L3MBTL2: variants seen among roughly 807,000 people sequenced by gnomAD.
The protein encoded by L3MBTL2 is L3MBTL histone methyl-lysine binding protein 2.
A neutral mutation model predicts 86.4 loss-of-function variants in L3MBTL2; 49 were observed. That is an observed-to-expected ratio of 0.57 (90% CI 0.45 to 0.72). The LOEUF is 0.72. Ranked by LOEUF, L3MBTL2 falls within the 30% of genes least tolerant of loss-of-function variation. The pLI, the probability that L3MBTL2 is intolerant of heterozygous loss-of-function variation, is 0.00. For synonymous variants in L3MBTL2, 336 were observed against 350.6 expected (o/e 0.96, Z 0.47); for missense variants, 755 against 923.7 (o/e 0.82, Z 2.37).
rs756455826 is a variant in L3MBTL2, at chr22:41,230,260, G to C, written c.*9G>C. 1 of 1,606,914 alleles carries C rather than the reference G, an allele frequency of 6.2e-7. No individual in the cohort carries two copies. The highest frequency in any genetic ancestry group is 1.1e-5 in the South Asian group (1 of 90,922). The stretch of plus-strand genomic sequence containing the variant: ...AGGAAACAGACGACTGAGCCTTCCT[G>C]CCTCCAGCCTGGCTTCTAGCTGGAA... On this transcript the variant is annotated 3_prime_UTR_variant, in exon 17 of 17. Coordinates refer to ENST00000216237, the MANE Select transcript of L3MBTL2 (RefSeq NM_031488.5).
rs368435679 is a variant in L3MBTL2, at chr22:41,219,370, T to C, written c.601-49T>C. On this transcript the variant is annotated intron_variant, in intron 5 of 16. Coordinates refer to ENST00000216237, the MANE Select transcript of L3MBTL2 (RefSeq NM_031488.5). ...AGGCCGTGAGGCAGTCTGTCTCCCC[T>C]GCTAGCACAGTTAGCTCACTCTCTC... 4.2e-6 allele frequency: 6 copies of C among 1,415,248 alleles called. No homozygotes were observed. In the African/African-American group the frequency reaches 8.5e-5, roughly 20 times the overall value. 87.7% of individuals were successfully genotyped at this position (1,415,248 alleles called of 1,614,324 possible). A position where few individuals can be genotyped will look rare whatever the true frequency, so the allele number is the denominator to read the frequency against.
At chr22:41,206,010 G>C (rs2030182807) in intron 1 of L3MBTL2, 1 of 152,424 alleles carries the variant, frequency 6.6e-6, no homozygotes, top group Non-Finnish European at 1.5e-5. Context: ...CTTTCAGACG[G>C]AGTCTTGCTC....
intron 3 of L3MBTL2, among the ~76,000 whole-genome samples, chr22:41,215,369 A>T (rs528356017): frequency 1.2e-4 from 18 of 152,338 alleles, no homozygotes; most frequent in African/African-American, 3.4e-4. Flanking sequence ...TTTGATTTTT[A>T]AAAAAATTCC....
At position 41,220,906 on chromosome 22, in the gene L3MBTL2, G is replaced by A. The variant is rs762333843; in HGVS notation, c.853+38G>A. The A allele has an allele frequency of 1.9e-6, 3 of 1,596,032 alleles. No individual in the cohort carries two copies. In the Admixed American group the frequency reaches 5.0e-5, roughly 27 times the overall value. On this transcript the variant is annotated intron_variant, in intron 7 of 16. Transcript: ENST00000216237. ...GAACATTTCCTCTCTTGTTCCCGTA[G>A]GGCCCCTGGTAGAGGGAGAGTCCTC...
rs775661218 is a variant in L3MBTL2 at position 41,214,041 on chromosome 22, C to G, written c.396+15C>G. On this transcript the variant is annotated intron_variant, in intron 3 of 16. Transcript: ENST00000216237. Reference sequence around the variant, plus strand: ...CTAGGTTACAGGTGAGAGGCAATCACTTGGATCCTTCCCGGTGCCTTTGGT... The same window carrying G: ...CTAGGTTACAGGTGAGAGGCAATCAGTTGGATCCTTCCCGGTGCCTTTGGT... The G allele has an allele frequency of 6.2e-7, 1 of 1,613,836 alleles. No individual in the cohort carries two copies. Among genetic ancestry groups the G allele is most frequent in the Non-Finnish European group, 8.5e-7 (1 of 1,179,814 alleles).
In L3MBTL2 at chr22:41,219,501, G is replaced by A. The variant is rs765234040; in HGVS notation, c.683G>A (p.Arg228Gln). The A allele has an allele frequency of 2.5e-6, 4 of 1,613,664 alleles. No homozygotes were observed. Among genetic ancestry groups the A allele is most frequent in the East Asian group, 2.2e-5 (1 of 44,890 alleles). Residue 228 changes from arginine (R) to glutamine (Q), a missense_variant, in exon 6 of 17, where the codon CGG (arginine) becomes CAG (glutamine). Arg to Gln is a conservative substitution (Grantham distance 43). Transcript: ENST00000216237. ...VLNSDAVLPSRVYWIASVIQT... is the reference protein window; with the variant it reads ...VLNSDAVLPSQVYWIASVIQT... ...AACAGTGATGCTGTGCTCCCCAGCC[G>A]GGTGTACTGGATCGCCTCTGTCATC...
Position 41,227,085 on chromosome 22 carries a change from C to G in L3MBTL2, c.1588-4C>G. The G allele has an allele frequency of 5.6e-6, 9 of 1,607,742 alleles. No homozygotes were observed. The highest frequency in any genetic ancestry group is 7.6e-6 in the Non-Finnish European group (9 of 1,177,504). On this transcript the variant is annotated splice_polypyrimidine_tract_variant and splice_region_variant and intron_variant, in intron 13 of 16. Transcript: ENST00000216237. This position sits in a 1 kb window ranked among gnomAD's most constrained non-coding sequence, Gnocchi z 6.0. ...TTGGCCACTGCCTCCTTTTTCTGCC[C>G]CAGGATTGCCCAAACCATGGCTTCA...
At chr22:41,210,422 C>T (rs908589836) in intron 2 of L3MBTL2, among the ~76,000 whole-genome samples, 6 of 152,070 alleles carry the variant, frequency 3.9e-5, no homozygotes, top group South Asian at 2.1e-4. Context: ...CTCTGCCTCC[C>T]GGGTTCACAC....
rs2032555007 is a variant in L3MBTL2, at chr22:41,230,939, A to C, written c.*688A>C. The stretch of plus-strand genomic sequence containing the variant: ...AGGACTGACTCCCATTTCCTAAAGG[A>C]AATGCCCCCGGGGAGGACATTGGGA... On this transcript the variant is annotated 3_prime_UTR_variant, in exon 17 of 17. Coordinates refer to ENST00000216237, the MANE Select transcript of L3MBTL2 (RefSeq NM_031488.5). 1 of 152,130 alleles carries C rather than the reference A, an allele frequency of 6.6e-6. No homozygotes were observed. Among genetic ancestry groups the C allele is most frequent in the African/African-American group, 2.4e-5 (1 of 41,416 alleles). The allele number at this position is 152,130 out of a possible 1,614,324, so 9.4% of individuals were successfully genotyped here.
chr22:41,226,005 G>T, intron 12 of L3MBTL2, 64 bp downstream of exon 12: 1 of 1,545,460 alleles, frequency 6.5e-7, no homozygotes, highest in Non-Finnish European at 8.8e-7. Flanking sequence ...GTCCAGGCGC[G>T]GTGGCTCCCG....
At chr22:41,215,604 C>A (rs953405186) in intron 3 of L3MBTL2, among the ~76,000 whole-genome samples, 10 of 150,196 alleles carry the variant, frequency 6.7e-5, no homozygotes, top group African/African-American at 2.5e-4. Context: ...CTTTGAGTAC[C>A]TAATGAAAGC....
At chr22:41,226,867 TC>T (rs2145613971) in intron 13 of L3MBTL2, 123 bp downstream of exon 13, 1 of 808,764 alleles carries the variant, frequency 1.2e-6, no homozygotes, top group East Asian at 2.6e-5. Flanking sequence ...TCAGCCACTT[TC>T]AGGGGGAAGT....
chr22:41,224,293 C>CCCCAGG lies in L3MBTL2; in HGVS notation c.1174+43_1174+48dup. ...GCCAGAGGGACTGCATGCTGTGCTT[C>CCCCAGG]CCCAGGGACGGAGTGGGAGCACCTT... On this transcript the variant is annotated intron_variant, in intron 9 of 16. Coordinates refer to ENST00000216237, the MANE Select transcript of L3MBTL2 (RefSeq NM_031488.5). The surrounding 1 kb of genome is among the most constrained non-coding windows in gnomAD (Gnocchi z 4.9). 6.6e-7 allele frequency: 1 copy of CCCCAGG among 1,523,790 alleles called. No homozygotes were observed. The highest frequency in any genetic ancestry group is 2.3e-5 in the East Asian group (1 of 44,088). 94.4% of individuals were successfully genotyped at this position (1,523,790 alleles called of 1,614,324 possible).
In L3MBTL2 at chr22:41,227,920, G is replaced by GCCTGCGTC. The variant is rs2032305006; in HGVS notation, c.1888+56_1888+63dup. 3.1e-6 allele frequency: 5 copies of GCCTGCGTC among 1,598,634 alleles called. No individual in the cohort carries two copies. Among genetic ancestry groups the GCCTGCGTC allele is most frequent in the Non-Finnish European group, 4.3e-6 (5 of 1,172,454 alleles). On this transcript the variant is annotated intron_variant, in intron 15 of 16. Transcript: ENST00000216237. The surrounding 1 kb of genome is among the most constrained non-coding windows in gnomAD (Gnocchi z 6.0). ...GCTGGTGTGGGCCTGGGAGCAGTGG[G>GCCTGCGTC]CCTGCGTCCCTGGGAGCAGGCGGGG...
Position 41,230,296 on chromosome 22 carries a change from C to CTGGA in L3MBTL2, c.*45_*46insTGGA. The CTGGA allele has an allele frequency of 7.1e-7, 1 of 1,404,578 alleles. No individual in the cohort carries two copies. The highest frequency in any genetic ancestry group is 1.0e-6 in the Non-Finnish European group (1 of 991,092). 87.0% of individuals were successfully genotyped at this position (1,404,578 alleles called of 1,614,324 possible). A position where few individuals can be genotyped will look rare whatever the true frequency, so the allele number is the denominator to read the frequency against. On this transcript the variant is annotated 3_prime_UTR_variant, in exon 17 of 17. Coordinates refer to ENST00000216237, the MANE Select transcript of L3MBTL2 (RefSeq NM_031488.5). ...GGCTTCTAGCTGGAAGCCAGCCCAG[C>CTGGA]GTTTCTCTACCACCACCACCATGCC...
chr22:41,221,563 C>T (rs1225332819), intron 8 of L3MBTL2, among the ~76,000 whole-genome samples: 1 of 152,226 alleles, frequency 6.6e-6, no homozygotes, highest in African/African-American at 2.4e-5. Context: ...TACCTTTGCT[C>T]ATAGAATTTT....
At position 41,227,577 on chromosome 22, in the gene L3MBTL2, A is replaced by T. The variant is rs1375781997; in HGVS notation, c.1823-227A>T. ...TGTTCGTGCCCTTGTGCACCCAGGT[A>T]AACTACCCAGGTCCCTCTGAGCAGC... On this transcript the variant is annotated intron_variant, in intron 14 of 16. Coordinates refer to ENST00000216237, the MANE Select transcript of L3MBTL2 (RefSeq NM_031488.5). This position sits in a 1 kb window ranked among gnomAD's most constrained non-coding sequence, Gnocchi z 6.0. 6.5e-7 allele frequency: 1 copy of T among 1,547,796 alleles called. No homozygotes were observed.
In L3MBTL2 at chr22:41,230,253, C is replaced by A. The variant is rs1362247814; in HGVS notation, c.*2C>A. On this transcript the variant is annotated 3_prime_UTR_variant, in exon 17 of 17. Coordinates refer to ENST00000216237, the MANE Select transcript of L3MBTL2 (RefSeq NM_031488.5). ...ATCAAGCAGGAAACAGACGACTGAG[C>A]CTTCCTGCCTCCAGCCTGGCTTCTA... The A allele has an allele frequency of 6.2e-7, 1 of 1,610,532 alleles. No homozygotes were observed. The highest frequency in any genetic ancestry group is 1.1e-5 in the South Asian group (1 of 91,002).
intron 8 of L3MBTL2, 120 bp from the exon 9 acceptor site, chr22:41,223,900 C>T (rs2032002274): frequency 6.4e-6 from 5 of 779,674 alleles, no homozygotes. Context: ...TCTGCCACCT[C>T]CCGACTGACT....
Sources: gnomAD v4.1 joint callset for allele counts (sites outside exome capture counted in the v4.1 genomes callset) on GRCh38, gnomAD v4.1.1 for gene constraint, Gnocchi (gnomAD v3.1) non-coding constraint, MANE v1.5 for transcripts, NCBI Gene and HGNC (gene_info 2026-07-23, HGNC 2026-07-21) for gene names.